Variants in HIPK1 observed in about 807,000 individuals in gnomAD.
The protein encoded by HIPK1 is homeodomain interacting protein kinase 1.
In HIPK1, 28 loss-of-function variants were observed where a neutral mutation model predicts 117.1. That is an observed-to-expected ratio of 0.24 (90% confidence interval 0.18 to 0.33). The LOEUF (loss-of-function observed/expected upper bound fraction) is 0.33, where lower values mean the gene tolerates loss of function less well. Ranked by LOEUF, HIPK1 falls within the 10% of genes least tolerant of loss-of-function variation. The probability of loss-of-function intolerance (pLI) is 1.00; values close to 1 mark genes in which losing one functional copy is unlikely to be tolerated. For missense variants in HIPK1, 1,122 were observed against 1,475.1 expected, an observed-to-expected ratio of 0.76 and a Z score of 3.92; for synonymous variants, 605 against 562.5, an observed-to-expected ratio of 1.08 and a Z score of -1.07.
At chr1:113,951,552 T>G (rs1671364618) in intron 2 of HIPK1, among the ~76,000 whole-genome samples, 1 of 152,228 alleles carries the variant, frequency 6.6e-6, no homozygotes, top group African/African-American at 2.4e-5. Context: ...TATTTCTCAC[T>G]TGGACTGTTA....
chr1:113,940,304 G>C, intron 1 of HIPK1, 78 bp from the exon 2 acceptor site: 1 of 1,209,956 alleles, frequency 8.3e-7, no homozygotes, highest in African/African-American at 1.5e-5. Flanking sequence ...AAAAGTGTGT[G>C]TGTGTGTTTG....
chr1:113,954,824 A>G (rs747481515), intron 4 of HIPK1, 54 bp downstream of exon 4: 3 of 1,461,348 alleles, frequency 2.1e-6, no homozygotes, highest in African/African-American at 1.4e-5. Flanking sequence ...TCACTCCCCA[A>G]TTTTGAATTC....
chr1:113,947,115 T>G (rs1358964049), intron 2 of HIPK1, among the ~76,000 whole-genome samples: 1 of 152,214 alleles, frequency 6.6e-6, no homozygotes, highest in African/African-American at 2.4e-5. Flanking sequence ...TCTGATAATA[T>G]GCCAGTATTA....
intron 1 of HIPK1, among the ~76,000 whole-genome samples, chr1:113,934,989 C>CA (rs752015521): frequency 0.36 from 24,396 of 67,472 alleles, 3,274 homozygotes; most frequent in Non-Finnish European, 0.38. Context: ...GAACCTGTCT[C>CA]AAAAAAAAAA....
intron 8 of HIPK1, among the ~76,000 whole-genome samples, chr1:113,960,521 T>C (rs1380216570): frequency 6.6e-6 from 1 of 152,192 alleles, no homozygotes; most frequent in Non-Finnish European, 1.5e-5. Flanking sequence ...TTTATCACCC[T>C]GGGGGCTATA....
chr1:113,936,015 A>G (rs533543322), intron 1 of HIPK1, among the ~76,000 whole-genome samples: 3 of 152,342 alleles, frequency 2.0e-5, no homozygotes, highest in South Asian at 2.1e-4. Flanking sequence ...ATAGAACATA[A>G]TATCTTTATC....
chr1:113,931,358 T>G (rs189716606), intron 1 of HIPK1, among the ~76,000 whole-genome samples: 2 of 152,344 alleles, frequency 1.3e-5, no homozygotes, highest in Admixed American at 6.5e-5. Context: ...AATACTGTTA[T>G]GATGAAGGGT....
intron 1 of HIPK1, chr1:113,930,444 C>T (rs766691643): frequency 6.6e-6 from 1 of 152,286 alleles, no homozygotes. Flanking sequence ...GTTCTGTAGT[C>T]GTTAGGCTTG....
At chr1:113,947,884 C>T (rs1671092573) in intron 2 of HIPK1, among the ~76,000 whole-genome samples, 1 of 152,130 alleles carries the variant, frequency 6.6e-6, no homozygotes, top group East Asian at 1.9e-4. Flanking sequence ...CTTTCCTGTG[C>T]TTCTGTAGAT....
chr1:113,960,757 AAAG>A (rs1304795240), intron 8 of HIPK1, among the ~76,000 whole-genome samples: 1 of 152,232 alleles, frequency 6.6e-6, no homozygotes, highest in Non-Finnish European at 1.5e-5. Context: ...TTATATAAAA[AAAG>A]ATATTGTTAG....
chr1:113,952,944 A>G, intron 3 of HIPK1, 55 bp downstream of exon 3: 1 of 1,401,632 alleles, frequency 7.1e-7, no homozygotes, highest in Admixed American at 2.6e-5. Context: ...TGTGAATTAG[A>G]TTCTGGAGAA....
chr1:113,929,592 A>G, intron 1 of HIPK1, 60 bp downstream of exon 1: 2 of 1,216,394 alleles, frequency 1.6e-6, no homozygotes, highest in African/African-American at 1.6e-5. Flanking sequence ...GGCCGGGTTG[A>G]GGGACGGCCG....
intron 4 of HIPK1, among the ~76,000 whole-genome samples, chr1:113,955,270 G>A (rs1014898656): frequency 2.0e-5 from 3 of 152,160 alleles, no homozygotes; most frequent in Non-Finnish European, 2.9e-5. Context: ...TTGAGATATC[G>A]ATTTATTTGA....
At chr1:113,970,560 T>C (rs1271590784) in intron 14 of HIPK1, among the ~76,000 whole-genome samples, 2 of 152,218 alleles carry the variant, frequency 1.3e-5, no homozygotes, top group African/African-American at 2.4e-5. Context: ...TTGATAATAT[T>C]GAAAATGACT....
chr1:113,935,672 C>T (rs1353750173), intron 1 of HIPK1, among the ~76,000 whole-genome samples: 1 of 152,160 alleles, frequency 6.6e-6, no homozygotes, highest in Non-Finnish European at 1.5e-5. Flanking sequence ...TCTTCACAAC[C>T]TTGCCAGCAT....
In HIPK1 at chr1:113,929,343, C is replaced by G. The variant is rs937094092; in HGVS notation, c.-192C>G. ...TGGGATGACATTTTACAGTTGGATC[C>G]CGTACCACCGCCAGGCACCTTTAAA... On this transcript the variant is annotated 5_prime_UTR_variant, in exon 1 of 16. Transcript: ENST00000426820. 7.8e-7 allele frequency: 1 copy of G among 1,289,342 alleles called. No individual in the cohort carries two copies. The highest frequency in any genetic ancestry group is 1.5e-5 in the African/African-American group (1 of 65,844). The allele number at this position is 1,289,342 out of a possible 1,614,324, so 79.9% of individuals were successfully genotyped here. A position where few individuals can be genotyped will look rare whatever the true frequency, so the allele number is the denominator to read the frequency against.
At chr1:113,960,764 T>C (rs1244214500) in intron 8 of HIPK1, among the ~76,000 whole-genome samples, 2 of 152,226 alleles carry the variant, frequency 1.3e-5, no homozygotes, top group Non-Finnish European at 1.5e-5. Flanking sequence ...AAAAAAGATA[T>C]TGTTAGTGTT....
At chr1:113,970,903 T>G (rs1288669677) in intron 14 of HIPK1, among the ~76,000 whole-genome samples, 1 of 152,168 alleles carries the variant, frequency 6.6e-6, no homozygotes, top group Non-Finnish European at 1.5e-5. Context: ...CTCTTTAGGC[T>G]GGAAATAAGT....
In HIPK1 at chr1:113,974,472, T is replaced by C. The variant is rs543543534; in HGVS notation, c.*960T>C. 1 of 152,866 alleles carries C rather than the reference T, an allele frequency of 6.5e-6. No homozygotes were observed. Among genetic ancestry groups the C allele is most frequent in the East Asian group, 1.9e-4 (1 of 5,296 alleles). The allele number at this position is 152,866 out of a possible 1,614,324, so 9.5% of individuals were successfully genotyped here. The stretch of plus-strand genomic sequence containing the variant: ...GCATTGATGAGCTTTGCCTAAAGAT[T>C]AGTATGAATTTTCAGTAATACACCT... On this transcript the variant is annotated 3_prime_UTR_variant, in exon 16 of 16. Coordinates refer to ENST00000426820, the MANE Select transcript of HIPK1 (RefSeq NM_198268.3).
Sources: allele counts gnomAD v4.1 joint callset (sites outside exome capture counted in the v4.1 genomes callset), GRCh38; gene constraint gnomAD v4.1.1; transcripts MANE v1.5; gene names NCBI Gene and HGNC (gene_info 2026-07-23, HGNC 2026-07-21).